Variants in TESK2 observed in about 807,000 individuals in gnomAD.
The protein encoded by TESK2 is dual specificity testis-specific protein kinase 2.
Under a neutral mutation model 57.1 loss-of-function variants are expected in TESK2, and 39 were observed. The observed-to-expected ratio is 0.68, with a 90% CI of 0.53 to 0.89. The LOEUF is 0.89. Ranked by LOEUF, TESK2 falls within the 40% of genes least tolerant of loss-of-function variation. TESK2 has a pLI of 0.00. For missense variants in TESK2, 646 were observed against 732.1 expected, an observed-to-expected ratio of 0.88 and a Z score of 1.36; for synonymous variants, 249 against 267.9, an observed-to-expected ratio of 0.93 and a Z score of 0.69.
chr1:45,386,068 GGC>G, intron 3 of TESK2, 108 bp from the exon 4 acceptor site: 1 of 703,128 alleles, frequency 1.4e-6, no homozygotes, highest in Non-Finnish European at 2.4e-6. Context: ...TGTGGGGTGC[GGC>G]ATGATGGCTT....
chr1:45,352,405 C>G (rs1647254876), intron 5 of TESK2, among the ~76,000 whole-genome samples: 1 of 152,160 alleles, frequency 6.6e-6, no homozygotes, highest in East Asian at 1.9e-4. Flanking sequence ...ATCCTATAGT[C>G]CAAAAAGGTT....
chr1:45,406,341 CA>C (rs1313103930), intron 3 of TESK2, among the ~76,000 whole-genome samples: 1 of 152,054 alleles, frequency 6.6e-6, no homozygotes, highest in Non-Finnish European at 1.5e-5. Flanking sequence ...AAGACTTTAC[CA>C]AATGAGTAAG....
intron 1 of TESK2, among the ~76,000 whole-genome samples, chr1:45,460,078 G>T (rs899509087): frequency 3.3e-5 from 5 of 151,600 alleles, no homozygotes; most frequent in African/African-American, 1.2e-4. Context: ...GACAGGCAGG[G>T]GCTGAAAAAC....
intron 2 of TESK2, among the ~76,000 whole-genome samples, chr1:45,423,241 C>T (rs1286843896): frequency 6.6e-6 from 1 of 152,070 alleles, no homozygotes; most frequent in Non-Finnish European, 1.5e-5. Context: ...AACCCACATA[C>T]TCAAAGTCTC....
intron 1 of TESK2, among the ~76,000 whole-genome samples, chr1:45,471,808 G>A (rs998785598): frequency 6.6e-6 from 1 of 150,598 alleles, no homozygotes; most frequent in African/African-American, 2.4e-5. Context: ...TTAGAGATGG[G>A]GGTCTCACTA....
intron 2 of TESK2, among the ~76,000 whole-genome samples, chr1:45,422,633 A>G (rs1570714002): frequency 3.3e-5 from 5 of 151,926 alleles, no homozygotes; most frequent in African/African-American, 1.2e-4. Context: ...TAGTAGAGAC[A>G]GGTTTTCACC....
intron 1 of TESK2, among the ~76,000 whole-genome samples, chr1:45,486,779 G>GCACACACA (rs1557592851): frequency 5.2e-5 from 2 of 38,324 alleles, no homozygotes; most frequent in Non-Finnish European, 8.9e-5. Context: ...TAGCCTCCCA[G>GCACACACA]CATACACACA....
intron 3 of TESK2, among the ~76,000 whole-genome samples, chr1:45,413,445 T>G (rs1650115031): frequency 6.6e-6 from 1 of 152,138 alleles, no homozygotes; most frequent in Admixed American, 6.5e-5. Context: ...ACACAATAGC[T>G]CTGGCAGAAG....
intron 2 of TESK2, among the ~76,000 whole-genome samples, chr1:45,450,546 T>C (rs1651828124): frequency 7.0e-6 from 1 of 142,604 alleles, no homozygotes; most frequent in Non-Finnish European, 1.5e-5. Flanking sequence ...CATAAAGGCC[T>C]CTTAAATAAA....
rs1185647611 is a variant in TESK2 at position 45,490,924 on chromosome 1, T to C, written c.-159A>G. 6.6e-6 allele frequency: 1 copy of C among 152,514 alleles called. No individual in the cohort carries two copies. The highest frequency in any genetic ancestry group is 2.4e-5 in the African/African-American group (1 of 41,416). 9.4% of individuals were successfully genotyped at this position (152,514 alleles called of 1,614,324 possible). On this transcript the variant is annotated 5_prime_UTR_variant, in exon 1 of 11. It removes an upstream start codon present in the reference 5' UTR. Transcript: ENST00000372086. Reference sequence around the variant, plus strand: ...AGGAGACGGCGGCAAAGAGGGAGCATAGTAACCCTCACAGCTCGTTGGTGG... The same window carrying C: ...AGGAGACGGCGGCAAAGAGGGAGCACAGTAACCCTCACAGCTCGTTGGTGG...
chr1:45,428,348 A>T (rs923940466), intron 2 of TESK2, among the ~76,000 whole-genome samples: 1 of 152,190 alleles, frequency 6.6e-6, no homozygotes, highest in African/African-American at 2.4e-5. Context: ...ATACAGTCAG[A>T]CCAACTGATT....
chr1:45,426,657 A>G (rs372053346), intron 2 of TESK2, among the ~76,000 whole-genome samples: 11 of 152,254 alleles, frequency 7.2e-5, no homozygotes, highest in Admixed American at 6.5e-4. Context: ...TGAAGAGTCA[A>G]TCCATGGAAT....
At chr1:45,353,891 A>C (rs759804050) in intron 5 of TESK2, among the ~76,000 whole-genome samples, 13 of 152,222 alleles carry the variant, frequency 8.5e-5, no homozygotes, top group Non-Finnish European at 1.8e-4. Context: ...TTTGGACAGC[A>C]AGAGAGTGCT....
chr1:45,475,361 C>T (rs1343818354), intron 1 of TESK2, among the ~76,000 whole-genome samples: 1 of 151,602 alleles, frequency 6.6e-6, no homozygotes, highest in African/African-American at 2.4e-5. Context: ...CATGTGCCAC[C>T]ACGCCTGGCT....
At chr1:45,423,618 C>T (rs920258176) in intron 2 of TESK2, among the ~76,000 whole-genome samples, 1 of 151,086 alleles carries the variant, frequency 6.6e-6, no homozygotes, top group Non-Finnish European at 1.5e-5. Flanking sequence ...GAAAGAAGTC[C>T]GTGAACCTTT....
At chr1:45,368,028 C>T (rs1420527215) in intron 4 of TESK2, among the ~76,000 whole-genome samples, 5 of 146,308 alleles carry the variant, frequency 3.4e-5, no homozygotes, top group Admixed American at 2.1e-4. Context: ...GAGTTTCACT[C>T]TTGTTGCCCA....
chr1:45,362,895 T>G (rs1647748698), intron 4 of TESK2, among the ~76,000 whole-genome samples: 2 of 152,134 alleles, frequency 1.3e-5, no homozygotes, highest in South Asian at 4.1e-4. Context: ...ACACTTTTTT[T>G]TTTTCACACA....
chr1:45,345,027 T>C lies in TESK2; in HGVS notation c.1529A>G (p.His510Arg). ...RASALPAAQA[H>R]EAMDCSILQE... The stretch of plus-strand genomic sequence containing the variant: ...GAGAATGGAGCAGTCCATAGCCTCA[T>C]GGGCTTGAGCAGCTGGTAGGGCAGA... Residue 510 changes from histidine to arginine, a missense_variant, in exon 11 of 11, where the codon CAT becomes CGT. His to Arg is a conservative substitution (Grantham distance 29). Transcript: ENST00000372086. 6.2e-7 allele frequency: 1 copy of C among 1,614,248 alleles called. No individual in the cohort carries two copies. The highest frequency in any genetic ancestry group is 8.5e-7 in the Non-Finnish European group (1 of 1,180,038).
chr1:45,346,937 C>T, intron 8 of TESK2, 42 bp downstream of exon 8: 1 of 1,601,260 alleles, frequency 6.2e-7, no homozygotes, highest in East Asian at 2.2e-5. Context: ...TTGCTTCAAA[C>T]TAGCCCCATC....
Sources: gnomAD v4.1 joint callset for allele counts (sites outside exome capture counted in the v4.1 genomes callset) on GRCh38, gnomAD v4.1.1 for gene constraint, MANE v1.5 for transcripts, NCBI Gene and HGNC (gene_info 2026-07-23, HGNC 2026-07-21) for gene names.